Variants in HEATR4 observed in about 807,000 individuals in gnomAD.
HEATR4 encodes HEAT repeat containing 4, also known as HEAT repeat-containing protein 4.
In HEATR4, 95 loss-of-function variants were observed where a neutral mutation model predicts 108.8. The observed-to-expected ratio is 0.87, with a 90% CI of 0.74 to 1.04. The LOEUF is 1.04. Among genes scored for constraint, HEATR4 ranks in the 50% least tolerant of loss-of-function variants. The pLI is 0.00. For missense variants in HEATR4, 1,152 were observed against 1,253.8 expected, an observed-to-expected ratio of 0.92 and a Z score of 1.23; for synonymous variants, 443 against 459.4, an observed-to-expected ratio of 0.96 and a Z score of 0.46.
the HEATR4 span, among the ~76,000 whole-genome samples, chr14:73,622,472 G>A: frequency 2.3e-4 from 35 of 152,094 alleles, no homozygotes; most frequent in South Asian, 2.7e-3. Flanking sequence ...GTGCGATCTC[G>A]GCTCACCGCA....
the HEATR4 span, chr14:73,617,001 T>C: frequency 1.4e-6 from 1 of 715,216 alleles, no homozygotes. Flanking sequence ...CAGGGGGCCC[T>C]TTCCTGGGAT....
At chr14:73,509,847 TATATATATATA>T (rs1887110010) in intron 7 of HEATR4, among the ~76,000 whole-genome samples, 1 of 84,442 alleles carries the variant, frequency 1.2e-5, no homozygotes, top group Non-Finnish European at 2.5e-5. Flanking sequence ...TATATATATA[TATATATATATA>T]TATATATATA....
At chr14:73,541,640 C>A in intron 1 of HEATR4, 1 of 1,242,358 alleles carries the variant, frequency 8.0e-7, no homozygotes, top group African/African-American at 1.6e-5. Flanking sequence ...ACCATGGAGA[C>A]GCTCCATCTG....
chr14:73,505,531 G>A (rs1886755812), intron 10 of HEATR4, among the ~76,000 whole-genome samples: 3 of 152,020 alleles, frequency 2.0e-5, no homozygotes, highest in Admixed American at 2.0e-4. Context: ...CAAGTAGCTA[G>A]GATTACAGGT....
intron 17 of HEATR4, chr14:73,491,218 G>A: frequency 6.3e-7 from 1 of 1,594,202 alleles, no homozygotes; most frequent in Non-Finnish European, 8.6e-7. Flanking sequence ...AGGAATCGAG[G>A]GTGGAGTCGA....
In HEATR4 at chr14:73,516,147, CAAAAAAAAA is replaced by C. The variant is rs149945107; in HGVS notation, c.1211-1922_1211-1914del. ...AGCCATCTTCCACATCAACAGTCATCAAAAAAAAAAAAAAAAAAAAAAAAAAGAGTCCTG... is the reference window on the plus strand; with the variant it reads ...AGCCATCTTCCACATCAACAGTCATCAAAAAAAAAAAAAAAAAGAGTCCTG... On this transcript the variant is annotated intron_variant, in intron 5 of 17. Transcript: ENST00000553558. Among the ~76,000 whole-genome samples, 2 of 9,156 alleles carry C rather than the reference CAAAAAAAAA, an allele frequency of 2.2e-4. 1 individual carries two copies. Among genetic ancestry groups the C allele is most frequent in the Admixed American group, 2.9e-3 (2 of 690 alleles). 6.0% of individuals were successfully genotyped at this position (9,156 alleles called of 152,430 possible).
intron 17 of HEATR4, chr14:73,491,811 C>A (rs780505355): frequency 6.2e-7 from 1 of 1,601,354 alleles, no homozygotes; most frequent in South Asian, 1.1e-5. Context: ...TTGGACGCCG[C>A]TCGCTACATC....
the HEATR4 span, among the ~76,000 whole-genome samples, chr14:73,564,564 C>A: frequency 2.0e-5 from 3 of 151,842 alleles, no homozygotes; most frequent in Non-Finnish European, 4.4e-5. Context: ...TATGATCACA[C>A]CACTGCACTC....
chr14:73,561,239 G>A (rs1215697620), upstream of HEATR4, among the ~76,000 whole-genome samples: 7 of 151,778 alleles, frequency 4.6e-5, no homozygotes, highest in Non-Finnish European at 5.9e-5. Flanking sequence ...AGTGGCAGGC[G>A]CCTGTAATCC....
upstream of HEATR4, among the ~76,000 whole-genome samples, chr14:73,561,658 G>A (rs753247206): frequency 6.6e-6 from 1 of 151,528 alleles, no homozygotes; most frequent in Non-Finnish European, 1.5e-5. Flanking sequence ...CACCCCAGCC[G>A]GGCAACAAGA....
In HEATR4 at chr14:73,478,548, G is replaced by T; in HGVS notation, c.*58C>A. The T allele has an allele frequency of 9.1e-7, 1 of 1,102,016 alleles. No individual in the cohort carries two copies. Among genetic ancestry groups the T allele is most frequent in the South Asian group, 1.3e-5 (1 of 76,152 alleles). The allele number at this position is 1,102,016 out of a possible 1,614,324, so 68.3% of individuals were successfully genotyped here. A position where few individuals can be genotyped will look rare whatever the true frequency, so the allele number is the denominator to read the frequency against. On this transcript the variant is annotated 3_prime_UTR_variant, in exon 18 of 18. Transcript: ENST00000553558. The stretch of plus-strand genomic sequence containing the variant: ...AAGATTGTACAGTATCAATTAAAAA[G>T]ACCCAATGTGACCAGGTCCACTGCT...
chr14:73,520,835 G>A lies in HEATR4; in HGVS notation c.1069+17C>T. ...ATGTCCCCGTGTGCCCCTACCACAG[G>A]GGCCCAGCTCTATTACCAAAGTAAA... On this transcript the variant is annotated intron_variant, in intron 4 of 17. Coordinates refer to ENST00000553558, the MANE Select transcript of HEATR4 (RefSeq NM_001220484.1). The A allele has an allele frequency of 2.5e-6, 4 of 1,608,138 alleles. No individual in the cohort carries two copies. The South Asian group carries it at 3.3e-5, about 13-fold the overall frequency.
chr14:73,580,360 A>G, the HEATR4 span, among the ~76,000 whole-genome samples: 30 of 152,074 alleles, frequency 2.0e-4, no homozygotes, highest in African/African-American at 7.2e-4. Context: ...CCTGGCCTCA[A>G]GTGATCCTCC....
chr14:73,621,761 C>CTTTTTTTTTTT, the HEATR4 span, among the ~76,000 whole-genome samples: 22 of 109,506 alleles, frequency 2.0e-4, no homozygotes, highest in African/African-American at 4.6e-4. Context: ...TTCTTTCTTT[C>CTTTTTTTTTTT]TTTTTTTTTT....
chr14:73,596,669 G>C, the HEATR4 span, among the ~76,000 whole-genome samples: 1 of 152,084 alleles, frequency 6.6e-6, no homozygotes, highest in African/African-American at 2.4e-5. Flanking sequence ...CATGATCTCA[G>C]CTCACTGCAA....
At chr14:73,573,321 T>C in the HEATR4 span, 1 of 1,607,948 alleles carries the variant, frequency 6.2e-7, no homozygotes, top group Admixed American at 1.7e-5. Context: ...AAGTATATGT[T>C]TAACTTAAAC....
the HEATR4 span, among the ~76,000 whole-genome samples, chr14:73,620,812 C>A: frequency 2.0e-5 from 3 of 151,584 alleles, no homozygotes; most frequent in African/African-American, 4.8e-5. Context: ...AGGTGATCCA[C>A]CCACCTCAGC....
intron 8 of HEATR4, 76 bp downstream of exon 8, chr14:73,509,236 A>AT: frequency 7.3e-7 from 1 of 1,371,444 alleles, no homozygotes; most frequent in Non-Finnish European, 1.0e-6. Context: ...CACAGTGGAG[A>AT]GGAAAGGACT....
the HEATR4 span, among the ~76,000 whole-genome samples, chr14:73,586,400 GAAA>G: frequency 3.4e-5 from 5 of 145,436 alleles, no homozygotes; most frequent in Non-Finnish European, 7.5e-5. Context: ...GTCTCAAAAA[GAAA>G]AAAAAAATTT....
Sources: gnomAD v4.1 joint callset for allele counts (sites outside exome capture counted in the v4.1 genomes callset) on GRCh38, gnomAD v4.1.1 for gene constraint, MANE v1.5 for transcripts, NCBI Gene and HGNC (gene_info 2026-07-23, HGNC 2026-07-21) for gene names.